Variants in SLC48A1 observed in about 807,000 individuals in gnomAD.
SLC48A1 encodes the protein solute carrier family 48 member 1.
A neutral mutation model predicts 14.8 loss-of-function variants in SLC48A1; 6 were observed. The observed-to-expected ratio is 0.41, with a 90% CI of 0.22 to 0.80. The LOEUF (loss-of-function observed/expected upper bound fraction) is 0.80. Ranked by LOEUF, SLC48A1 falls within the 30% of genes least tolerant of loss-of-function variation. The pLI, the probability that SLC48A1 is intolerant of heterozygous loss-of-function variation, is 0.34. For synonymous variants in SLC48A1, 89 were observed against 90.0 expected (o/e 0.99, Z 0.06); for missense variants, 165 against 204.8 (o/e 0.81, Z 1.19).
chr12:47,769,336 G>C (rs1336014553), upstream of SLC48A1: 1 of 152,284 alleles, frequency 6.6e-6, no homozygotes, highest in Non-Finnish European at 1.5e-5. Context: ...GTCTGTCCTG[G>C]GCTGGGTTGG....
upstream of SLC48A1, chr12:47,757,812 C>A: frequency 6.8e-7 from 1 of 1,479,452 alleles, no homozygotes; most frequent in Non-Finnish European, 9.1e-7. Context: ...TGATCTAGGC[C>A]CCCCTCTAGC....
At chr12:47,763,796 G>A (rs1273269647) in intron 2 of SLC48A1, among the ~76,000 whole-genome samples, 4 of 152,226 alleles carry the variant, frequency 2.6e-5, no homozygotes, top group South Asian at 4.1e-4. Context: ...GGAGGCCAAT[G>A]TGGGCAAGCT....
chr12:47,760,462 C>T (rs1221421095), intron 2 of SLC48A1: 3 of 959,780 alleles, frequency 3.1e-6, no homozygotes, highest in Non-Finnish European at 3.7e-6. Flanking sequence ...GGGGCCAGTG[C>T]CCTGGCCTAG....
At chr12:47,770,692 C>T (rs1942610064), upstream of SLC48A1, among the ~76,000 whole-genome samples, 1 of 152,188 alleles carries the variant, frequency 6.6e-6, no homozygotes, top group Admixed American at 6.5e-5. Context: ...ATTACTCTGG[C>T]CATAGTTCTA....
upstream of SLC48A1, among the ~76,000 whole-genome samples, chr12:47,756,977 AAAAG>A (rs1336330490): frequency 1.3e-5 from 2 of 152,076 alleles, no homozygotes; most frequent in African/African-American, 2.4e-5. Flanking sequence ...AAAAAAAAAA[AAAAG>A]AAAGAAAAGA....
chr12:47,758,386 C>A (rs1440475519), upstream of SLC48A1: 8 of 1,515,974 alleles, frequency 5.3e-6, no homozygotes, highest in Admixed American at 1.7e-4. Flanking sequence ...CAGTATGAAG[C>A]TATAGATTCA....
upstream of SLC48A1, chr12:47,768,563 G>A (rs968469988): frequency 1.3e-5 from 2 of 152,232 alleles, no homozygotes; most frequent in African/African-American, 4.8e-5. Flanking sequence ...GGACATCAGA[G>A]GTCTCTCTGC....
At chr12:47,766,421 C>T (rs1942515783) in intron 2 of SLC48A1, among the ~76,000 whole-genome samples, 1 of 152,314 alleles carries the variant, frequency 6.6e-6, no homozygotes, top group African/African-American at 2.4e-5. Context: ...CCCATTTGTC[C>T]CCAGGCCCAA....
intron 1 of SLC48A1, among the ~76,000 whole-genome samples, chr12:47,776,676 T>C (rs774430673): frequency 8.3e-4 from 126 of 152,130 alleles, no homozygotes; most frequent in Non-Finnish European, 1.4e-3. Flanking sequence ...CCATGCCTGT[T>C]GTTAACAAAG....
upstream of SLC48A1, chr12:47,771,437 C>T (rs1942628342): frequency 6.4e-6 from 1 of 156,434 alleles, no homozygotes; most frequent in African/African-American, 2.4e-5. Flanking sequence ...TAATAATGGC[C>T]CCCAAAGATG....
At chr12:47,772,783 T>C (rs906187439), upstream of SLC48A1, among the ~76,000 whole-genome samples, 5 of 152,110 alleles carry the variant, frequency 3.3e-5, no homozygotes, top group Non-Finnish European at 5.9e-5. Context: ...CTTTAGTGTG[T>C]GGAGAAATCC....
upstream of SLC48A1, among the ~76,000 whole-genome samples, chr12:47,755,262 A>G (rs1031847931): frequency 6.6e-6 from 1 of 152,194 alleles, no homozygotes; most frequent in Non-Finnish European, 1.5e-5. Context: ...TTTCACATCT[A>G]TAAAATGGAG....
chr12:47,759,789 G>A (rs1942317393), intron 1 of SLC48A1, among the ~76,000 whole-genome samples: 1 of 152,230 alleles, frequency 6.6e-6, no homozygotes, highest in Non-Finnish European at 1.5e-5. Flanking sequence ...TTTGGAAGGA[G>A]GTGAACGCCC....
upstream of SLC48A1, chr12:47,769,418 G>A (rs1490208849): frequency 6.6e-6 from 1 of 152,236 alleles, no homozygotes; most frequent in Non-Finnish European, 1.5e-5. Context: ...GCACACCCAT[G>A]TGCTTTATGG....
chr12:47,779,311 C>T, intron 2 of SLC48A1, 116 bp downstream of exon 2: 1 of 1,344,650 alleles, frequency 7.4e-7, no homozygotes, highest in Non-Finnish European at 9.9e-7. Flanking sequence ...ATTACTTAAC[C>T]TCCCCGGACA....
At position 47,780,283 on chromosome 12, in the gene SLC48A1, C is replaced by G; in HGVS notation, c.*2C>G. 1.2e-6 allele frequency: 2 copies of G among 1,614,220 alleles called. No individual in the cohort carries two copies. Among genetic ancestry groups the G allele is most frequent in the Non-Finnish European group, 1.7e-6 (2 of 1,180,026 alleles). On this transcript the variant is annotated 3_prime_UTR_variant, in exon 3 of 3. Transcript: ENST00000442218. ...ATCAGCATCCTCAGCGATTTCTGAC[C>G]CAGGGGGTGAGGTCTCTGCACCCTG... is the stretch of plus-strand genomic sequence containing the variant.
upstream of SLC48A1, among the ~76,000 whole-genome samples, chr12:47,772,496 C>A (rs764867117): frequency 2.0e-4 from 31 of 152,068 alleles, no homozygotes; most frequent in Non-Finnish European, 4.3e-4. Context: ...TATAGCGAGA[C>A]CCTATCTCTA....
intron 1 of SLC48A1, among the ~76,000 whole-genome samples, chr12:47,778,150 G>A (rs746242997): frequency 2.0e-5 from 3 of 152,258 alleles, no homozygotes; most frequent in Non-Finnish European, 4.4e-5. Context: ...GCACCAGCAG[G>A]CACTGCCTGG....
intron 1 of SLC48A1, chr12:47,758,964 G>A: frequency 9.9e-7 from 1 of 1,010,080 alleles, no homozygotes; most frequent in Non-Finnish European, 1.2e-6. Context: ...GGGGCGGGGT[G>A]GAGGCGCCCT....
Sources: allele counts gnomAD v4.1 joint callset (sites outside exome capture counted in the v4.1 genomes callset), GRCh38; gene constraint gnomAD v4.1.1; transcripts MANE v1.5; gene names NCBI Gene and HGNC (gene_info 2026-07-23, HGNC 2026-07-21).